RTN4: variants seen among roughly 807,000 people sequenced by gnomAD.
RTN4 encodes reticulon-4.
In RTN4, 32 loss-of-function variants were observed where a neutral mutation model predicts 90.4. That is an observed-to-expected ratio of 0.35 (90% CI 0.27 to 0.48). The LOEUF (loss-of-function observed/expected upper bound fraction) is 0.48, where lower values mean the gene tolerates loss of function less well. Ranked by LOEUF, RTN4 falls within the 20% of genes least tolerant of loss-of-function variation. RTN4 has a pLI of 0.99. For missense variants in RTN4, 1,706 were observed against 1,430.2 expected, an observed-to-expected ratio of 1.19 and a Z score of -3.11; for synonymous variants, 629 against 552.5, an observed-to-expected ratio of 1.14 and a Z score of -1.94.
At chr2:55,010,354 T>C (rs1680544488) in intron 3 of RTN4, 4 of 1,341,086 alleles carry the variant, frequency 3.0e-6, no homozygotes, top group South Asian at 2.1e-5. Context: ...CCAGCATTAA[T>C]GCTTTCCTTC....
At chr2:55,078,062 C>T (rs557482266) in intron 2 of RTN4, among the ~76,000 whole-genome samples, 5 of 151,864 alleles carry the variant, frequency 3.3e-5, no homozygotes, top group Non-Finnish European at 5.9e-5. Context: ...TAAAAGACTA[C>T]GCATTGAGTA....
intron 1 of RTN4, among the ~76,000 whole-genome samples, chr2:55,092,514 G>T (rs539177639): frequency 6.6e-6 from 1 of 152,114 alleles, no homozygotes; most frequent in Non-Finnish European, 1.5e-5. Context: ...GATTACAGGC[G>T]TGAGCCACCG....
rs963182250 is a variant in RTN4 at position 55,047,161 on chromosome 2, C to G, written c.556+2584G>C. ...CCTGGCCAACATGGTAAAATCCCGT[C>G]TCTACTAAAAATACAAAAATTAGCC... On this transcript the variant is annotated intron_variant, in intron 1 of 8. Transcript: ENST00000337526. Among the ~76,000 whole-genome samples the G allele has an allele frequency of 2.0e-5, 3 of 152,174 alleles. No homozygotes were observed. In the East Asian group the frequency reaches 5.8e-4, roughly 29 times the overall value.
chr2:55,107,638 A>G (rs1279655136), intron 1 of RTN4, among the ~76,000 whole-genome samples: 2 of 152,050 alleles, frequency 1.3e-5, no homozygotes, highest in African/African-American at 2.4e-5. Context: ...CTTCAGGCTA[A>G]GCAGACACAA....
At chr2:54,991,632 G>A (rs965659226) in intron 3 of RTN4, among the ~76,000 whole-genome samples, 1 of 152,188 alleles carries the variant, frequency 6.6e-6, no homozygotes, top group Non-Finnish European at 1.5e-5. Context: ...CAAATTCCCT[G>A]TCAGTGGATC....
At chr2:55,054,413 A>G (rs1239337789), upstream of RTN4, among the ~76,000 whole-genome samples, 1 of 152,252 alleles carries the variant, frequency 6.6e-6, no homozygotes. Context: ...ACTACGCCAG[A>G]CACAAACGTG....
intron 3 of RTN4, among the ~76,000 whole-genome samples, chr2:55,012,610 A>C (rs973852349): frequency 6.6e-6 from 1 of 152,346 alleles, no homozygotes; most frequent in East Asian, 1.9e-4. Flanking sequence ...TACTAAAAAT[A>C]GAAGGCTTTA....
intron 3 of RTN4, among the ~76,000 whole-genome samples, chr2:55,012,494 CA>C (rs1680717122): frequency 1.3e-5 from 2 of 152,042 alleles, no homozygotes; most frequent in African/African-American, 4.8e-5. Context: ...TTAAGTTTGG[CA>C]AGTTAAGCAA....
chr2:55,100,994 T>G (rs1329380452), intron 1 of RTN4, among the ~76,000 whole-genome samples: 1 of 152,036 alleles, frequency 6.6e-6, no homozygotes, highest in Non-Finnish European at 1.5e-5. Context: ...GAGGAAAGTG[T>G]GAATAAATAA....
rs117580240 is a variant in RTN4, at chr2:55,017,357, A to G, written c.3013+7729T>C. Among the ~76,000 whole-genome samples, 192 of 152,342 alleles carry G rather than the reference A, an allele frequency of 1.3e-3. 3 individuals are homozygous for G. In the East Asian group the frequency reaches 0.034, roughly 27 times the overall value. On this transcript the variant is annotated intron_variant, in intron 3 of 8. Coordinates refer to ENST00000337526, the MANE Select transcript of RTN4 (RefSeq NM_020532.5). Reference sequence around the variant, plus strand: ...AACATATGTAAGTTCTTATTCATGAACATATATAAGTTTGCAAAGCTAATT... The same window carrying G: ...AACATATGTAAGTTCTTATTCATGAGCATATATAAGTTTGCAAAGCTAATT...
At chr2:55,086,734 G>A (rs749257881) in intron 1 of RTN4, among the ~76,000 whole-genome samples, 4 of 151,672 alleles carry the variant, frequency 2.6e-5, no homozygotes, top group East Asian at 1.9e-4. Context: ...CCCTTTTGGG[G>A]CCCCCTTTCA....
intron 6 of RTN4, chr2:54,974,068 T>G: frequency 1.9e-6 from 1 of 513,854 alleles, no homozygotes; most frequent in South Asian, 2.4e-5. Flanking sequence ...GCTGCAGTTA[T>G]TAGAGCTAGG....
chr2:54,973,802 CAGTT>C lies in RTN4; in HGVS notation c.3477+15_3477+18del, dbSNP rs556320165. On this transcript the variant is annotated intron_variant, in intron 7 of 8. Transcript: ENST00000337526. ...AGTGAGTGCTCTATTCTGAAGTCAG[CAGTT>C]AGTTAGGAAATTACCTGATGCCGTT... 262 of 1,609,490 alleles carry C rather than the reference CAGTT, an allele frequency of 1.6e-4. No individual in the cohort carries two copies. The highest frequency in any genetic ancestry group is 1.1e-3 in the African/African-American group (79 of 74,878).
intron 2 of RTN4, among the ~76,000 whole-genome samples, chr2:55,063,710 G>C (rs1031432816): frequency 6.6e-6 from 1 of 151,588 alleles, no homozygotes; most frequent in African/African-American, 2.4e-5. Flanking sequence ...GTAAAACCCC[G>C]TCTCCACTGA....
At chr2:55,042,491 A>T (rs978019496) in intron 1 of RTN4, among the ~76,000 whole-genome samples, 1 of 152,170 alleles carries the variant, frequency 6.6e-6, no homozygotes, top group Non-Finnish European at 1.5e-5. Context: ...TACATGTATA[A>T]ATAAATATTT....
chr2:55,078,721 T>C (rs993473599), intron 2 of RTN4, among the ~76,000 whole-genome samples: 3 of 152,184 alleles, frequency 2.0e-5, no homozygotes, highest in Non-Finnish European at 4.4e-5. Context: ...AGAGTAAATG[T>C]GTTACGTGCT....
At chr2:55,077,850 G>A (rs1020507985) in intron 2 of RTN4, among the ~76,000 whole-genome samples, 1 of 151,536 alleles carries the variant, frequency 6.6e-6, no homozygotes, top group Non-Finnish European at 1.5e-5. Context: ...GGCATTTGCA[G>A]GAGCCTGGAC....
At chr2:55,010,546 T>C (rs1558800296) in intron 3 of RTN4, 1 of 164,616 alleles carries the variant, frequency 6.1e-6, no homozygotes, top group South Asian at 1.9e-4. Flanking sequence ...TTTTAACAGA[T>C]GGTCGAATTA....
At chr2:55,083,332 C>T (rs1411732146) in intron 1 of RTN4, among the ~76,000 whole-genome samples, 1 of 152,176 alleles carries the variant, frequency 6.6e-6, no homozygotes, top group African/African-American at 2.4e-5. Flanking sequence ...CCCGTCTCTA[C>T]TAAAAATACA....
Sources: gnomAD v4.1 joint callset for allele counts (sites outside exome capture counted in the v4.1 genomes callset) on GRCh38, gnomAD v4.1.1 for gene constraint, MANE v1.5 for transcripts, NCBI Gene and HGNC (gene_info 2026-07-23, HGNC 2026-07-21) for gene names.